ADCY7: variants seen among roughly 807,000 people sequenced by gnomAD.
ADCY7 encodes adenylate cyclase type 7.
A neutral mutation model predicts 120.6 loss-of-function variants in ADCY7; 72 were observed. That is an observed-to-expected ratio of 0.60 (90% confidence interval 0.49 to 0.73). The LOEUF is 0.73. Ranked by LOEUF, ADCY7 falls within the 30% of genes least tolerant of loss-of-function variation. The probability of loss-of-function intolerance (pLI) is 0.00; values close to 1 mark genes in which losing one functional copy is unlikely to be tolerated. For synonymous variants in ADCY7, 661 were observed against 628.0 expected (o/e 1.05, Z -0.78); for missense variants, 1,227 against 1,486.0 (o/e 0.83, Z 2.87).
intron 1 of ADCY7, among the ~76,000 whole-genome samples, chr16:50,247,105 T>C (rs968336150): frequency 1.3e-5 from 2 of 152,212 alleles, no homozygotes; most frequent in Admixed American, 6.5e-5. Context: ...TGTAGTGAAC[T>C]CCGGGTGAGG....
rs776774225 is a variant in ADCY7 at position 50,290,541 on chromosome 16, G to A, written c.256G>A (p.Glu86Lys). 25 of 1,614,104 alleles carry A rather than the reference G, an allele frequency of 1.5e-5. No individual in the cohort carries two copies. The highest frequency in any genetic ancestry group is 1.1e-4 in the East Asian group (5 of 44,898). ...GGCCCTCTCTGTGCTGATGTACGTC[G>A]AGTGTCTCCTGCGGCGCTGGCTCAG... ...FAALSVLMYVECLLRRWLRAL... is the reference protein window; with the variant it reads ...FAALSVLMYVKCLLRRWLRAL... The change falls in exon 3 of 26, where the codon GAG becomes AAG. Residue 86 changes from glutamate to lysine, a missense_variant. Coordinates refer to ENST00000673801, the MANE Select transcript of ADCY7 (RefSeq NM_001114.5).
chr16:50,255,122 CAAAA>C (rs34287607), intron 1 of ADCY7, among the ~76,000 whole-genome samples: 1 of 103,414 alleles, frequency 9.7e-6, no homozygotes. Context: ...CTTGTCTCTA[CAAAA>C]AAAAAAAAAA....
At chr16:50,250,502 G>A (rs562037248) in intron 1 of ADCY7, among the ~76,000 whole-genome samples, 2 of 150,114 alleles carry the variant, frequency 1.3e-5, no homozygotes, top group South Asian at 4.2e-4. Context: ...TATGTGGCCA[G>A]GTGCAGTAGC....
At chr16:50,283,912 T>G (rs1028208893) in intron 1 of ADCY7, among the ~76,000 whole-genome samples, 17 of 152,088 alleles carry the variant, frequency 1.1e-4, no homozygotes, top group African/African-American at 4.1e-4. Flanking sequence ...AGCCCCCCCG[T>G]CATGGAGGTG....
intron 18 of ADCY7, 71 bp downstream of exon 18, chr16:50,309,717 A>C: frequency 7.3e-7 from 1 of 1,372,846 alleles, no homozygotes; most frequent in Non-Finnish European, 1.0e-6. Flanking sequence ...TGTAGTTTGG[A>C]CCCTCAAAGC....
At chr16:50,292,555 C>T in intron 4 of ADCY7, 121 bp from the exon 5 acceptor site, 1 of 1,274,776 alleles carries the variant, frequency 7.8e-7, no homozygotes, top group Admixed American at 2.1e-5. Context: ...GAGTGCCATT[C>T]TCAGTGGGTT....
At chr16:50,271,745 C>T (rs1037454441) in intron 1 of ADCY7, among the ~76,000 whole-genome samples, 3 of 152,178 alleles carry the variant, frequency 2.0e-5, no homozygotes, top group Admixed American at 1.3e-4. Flanking sequence ...CTGGGGTGTT[C>T]TCCCCAACTG....
chr16:50,308,476 C>G, intron 16 of ADCY7, 65 bp downstream of exon 16: 10 of 1,605,062 alleles, frequency 6.2e-6, no homozygotes, highest in Non-Finnish European at 8.5e-6. Context: ...CCTAGGAGCC[C>G]TCCCTGGTGA....
At chr16:50,290,171 G>A (rs772044566) in intron 2 of ADCY7, among the ~76,000 whole-genome samples, 21 of 152,242 alleles carry the variant, frequency 1.4e-4, no homozygotes, top group African/African-American at 3.6e-4. Context: ...ACAGAGCACC[G>A]TGGGAACCCA....
chr16:50,307,273 G>GAGTT, intron 15 of ADCY7, 126 bp downstream of exon 15: 2 of 800,968 alleles, frequency 2.5e-6, no homozygotes, highest in South Asian at 3.3e-5. Context: ...CTAGCAACTG[G>GAGTT]ACCAGGGGCT....
intron 8 of ADCY7, 63 bp from the exon 9 acceptor site, chr16:50,300,652 T>G: frequency 6.5e-7 from 1 of 1,535,758 alleles, no homozygotes; most frequent in Non-Finnish European, 8.8e-7. Flanking sequence ...ACCCCACACC[T>G]GGGAGCTTCA....
At chr16:50,275,109 C>T (rs900242917) in intron 1 of ADCY7, among the ~76,000 whole-genome samples, 2 of 152,192 alleles carry the variant, frequency 1.3e-5, no homozygotes, top group African/African-American at 2.4e-5. Context: ...CAAGGTGCTT[C>T]CCAGCTGAAA....
At chr16:50,262,865 C>G (rs2033096049), upstream of ADCY7, among the ~76,000 whole-genome samples, 1 of 152,228 alleles carries the variant, frequency 6.6e-6, no homozygotes, top group Non-Finnish European at 1.5e-5. Flanking sequence ...CCAAGGTTGC[C>G]CTTCTTTGGG....
chr16:50,308,147 TAGCTGGGCCCTGTGTATTGCCCATGGGGC>T, intron 15 of ADCY7, among the ~76,000 whole-genome samples, 151 bp from the exon 16 acceptor site: 1 of 152,194 alleles, frequency 6.6e-6, no homozygotes, highest in Admixed American at 6.5e-5. Context: ...CTTCATAATC[TAGCTGGGCCCTGTGTATTGCCCATGGGGC>T]AGCTGGGCCA....
intron 1 of ADCY7, among the ~76,000 whole-genome samples, chr16:50,256,634 C>G (rs930699088): frequency 8.6e-5 from 13 of 152,028 alleles, no homozygotes; most frequent in African/African-American, 2.7e-4. Flanking sequence ...GCCCAGAATT[C>G]AGAGGCTGCA....
Position 50,294,749 on chromosome 16 carries a change from A to C in ADCY7, c.946A>C (p.Lys316Gln), listed in dbSNP as rs1428416185. The C allele has an allele frequency of 6.2e-7, 1 of 1,611,814 alleles. No individual in the cohort carries two copies. The change falls in exon 7 of 26, where the codon AAG (lysine) becomes CAG (glutamine). Residue 316 changes from lysine (K) to glutamine (Q), a missense_variant and splice_region_variant. By Grantham distance (53) the Lys-to-Gln change is moderately conservative. Coordinates refer to ENST00000673801, the MANE Select transcript of ADCY7 (RefSeq NM_001114.5). ...ELFGKFDQIAKANECMRIKIL... is the reference protein window; with the variant it reads ...ELFGKFDQIAQANECMRIKIL... ...CTTTGGCAAGTTCGACCAGATCGCC[A>C]AGGTGAGCCCGCTGGCCTACAATGG...
chr16:50,291,421 A>G (rs2034953835), intron 3 of ADCY7, among the ~76,000 whole-genome samples: 1 of 151,966 alleles, frequency 6.6e-6, no homozygotes, highest in Non-Finnish European at 1.5e-5. Context: ...CCCGGTAATC[A>G]TTTCTGCTGA....
At chr16:50,280,152 C>T (rs1300803255) in intron 1 of ADCY7, among the ~76,000 whole-genome samples, 2 of 152,122 alleles carry the variant, frequency 1.3e-5, no homozygotes, top group African/African-American at 4.8e-5. Context: ...TCAGTTTCTT[C>T]CTGGCTCAGT....
chr16:50,283,479 C>A (rs1442041041), intron 1 of ADCY7, among the ~76,000 whole-genome samples: 1 of 152,222 alleles, frequency 6.6e-6, no homozygotes. Context: ...ACTTCCCAGG[C>A]CTGTGGCATT....
Sources: gnomAD v4.1 joint callset for allele counts (sites outside exome capture counted in the v4.1 genomes callset) on GRCh38, gnomAD v4.1.1 for gene constraint, MANE v1.5 for transcripts, NCBI Gene and HGNC (gene_info 2026-07-23, HGNC 2026-07-21) for gene names.